Variants in CSNK1G1 observed in about 807,000 individuals in gnomAD.
The protein encoded by CSNK1G1 is casein kinase I isoform gamma-1.
Under a neutral mutation model 59.6 loss-of-function variants are expected in CSNK1G1, and 22 were observed. The ratio of observed to expected loss-of-function variants is 0.37; its 90% CI spans 0.26 to 0.53. The LOEUF (loss-of-function observed/expected upper bound fraction) is 0.53. Ranked by LOEUF, CSNK1G1 falls within the 20% of genes least tolerant of loss-of-function variation. CSNK1G1 has a pLI of 0.89. For missense variants in CSNK1G1, 384 were observed against 519.5 expected (o/e 0.74, Z 2.54); for synonymous variants, 179 against 177.1 (o/e 1.01, Z -0.08).
chr15:64,166,209 T>G lies in CSNK1G1; in HGVS notation c.*5722A>C. 2.2e-6 allele frequency: 1 copy of G among 447,896 alleles called. No homozygotes were observed. The highest frequency in any genetic ancestry group is 3.9e-6 in the Non-Finnish European group (1 of 254,454). The allele number at this position is 447,896 out of a possible 1,614,324, so 27.7% of individuals were successfully genotyped here. A position where few individuals can be genotyped will look rare whatever the true frequency, so the allele number is the denominator to read the frequency against. The stretch of plus-strand genomic sequence containing the variant: ...AAAAATCGCAATCAACATCCCAACA[T>G]CTTTTTAAGAGTACAATGGGCAAAG... On this transcript the variant is annotated 3_prime_UTR_variant, in exon 12 of 12. Coordinates refer to ENST00000303052, the MANE Select transcript of CSNK1G1 (RefSeq NM_022048.5). This position sits in a 1 kb window ranked among gnomAD's most constrained non-coding sequence, Gnocchi z 4.5.
chr15:64,255,295 G>A (rs766872559), intron 3 of CSNK1G1, among the ~76,000 whole-genome samples: 22 of 151,764 alleles, frequency 1.4e-4, no homozygotes, highest in Non-Finnish European at 2.9e-4. Flanking sequence ...CAGGCTGGTC[G>A]CAAACTCCTG....
chr15:64,261,247 G>C (rs963825484), intron 2 of CSNK1G1, among the ~76,000 whole-genome samples: 1 of 152,106 alleles, frequency 6.6e-6, no homozygotes, highest in African/African-American at 2.4e-5. Flanking sequence ...GTGACTCTGC[G>C]CAAAGATTTT....
At chr15:64,178,970 C>CA (rs1234368402) in intron 11 of CSNK1G1, among the ~76,000 whole-genome samples, 5 of 152,076 alleles carry the variant, frequency 3.3e-5, no homozygotes, top group South Asian at 2.1e-4. Flanking sequence ...AGGCTGGTCT[C>CA]AAACCTCTAG....
intron 10 of CSNK1G1, among the ~76,000 whole-genome samples, chr15:64,182,075 T>C: frequency 7.2e-6 from 1 of 138,062 alleles, no homozygotes; most frequent in African/African-American, 2.8e-5. Flanking sequence ...TTTTTTTTTT[T>C]TTTTGAGAGA....
intron 2 of CSNK1G1, among the ~76,000 whole-genome samples, chr15:64,269,493 T>A (rs1304431816): frequency 1.2e-5 from 1 of 82,810 alleles, no homozygotes; most frequent in Non-Finnish European, 2.4e-5. Context: ...CTGATGGCTA[T>A]TTTTTTTTTT....
chr15:64,303,088 G>T (rs1895452605), intron 1 of CSNK1G1, among the ~76,000 whole-genome samples: 1 of 151,730 alleles, frequency 6.6e-6, no homozygotes. Flanking sequence ...TAGAAGCCAG[G>T]TGCAATGGTA....
intron 1 of CSNK1G1, among the ~76,000 whole-genome samples, chr15:64,316,682 TC>T (rs1896286660): frequency 1.3e-5 from 2 of 152,024 alleles, no homozygotes; most frequent in African/African-American, 4.8e-5. Context: ...GAAATGAAAT[TC>T]ACAGGCAGAC....
At chr15:64,345,697 G>A (rs898326309) in intron 1 of CSNK1G1, among the ~76,000 whole-genome samples, 2 of 152,046 alleles carry the variant, frequency 1.3e-5, no homozygotes, top group East Asian at 1.9e-4. Flanking sequence ...ATTCGAGAAC[G>A]TTAGGAAACT....
rs549843828 is a variant in CSNK1G1 at position 64,282,810 on chromosome 15, C to G, written c.181+17509G>C. On this transcript the variant is annotated intron_variant, in intron 2 of 11. Transcript: ENST00000303052. Reference sequence around the variant, plus strand: ...AAGACTCAGATTTCTACACTTCCCCCCTAGCCAACAATTGTTATCTGATTC... The same window carrying G: ...AAGACTCAGATTTCTACACTTCCCCGCTAGCCAACAATTGTTATCTGATTC... Among the ~76,000 whole-genome samples, 6 of 152,142 alleles carry G rather than the reference C, an allele frequency of 3.9e-5. No individual in the cohort carries two copies. The East Asian group carries it at 5.8e-4, about 15-fold the overall frequency.
At chr15:64,219,719 C>G (rs1487327313) in intron 4 of CSNK1G1, among the ~76,000 whole-genome samples, 1 of 152,050 alleles carries the variant, frequency 6.6e-6, no homozygotes, top group Non-Finnish European at 1.5e-5. Context: ...TTTGACCTCC[C>G]AAGTGCTAAG....
intron 1 of CSNK1G1, among the ~76,000 whole-genome samples, chr15:64,353,741 G>A (rs544912381): frequency 3.3e-5 from 5 of 152,062 alleles, no homozygotes; most frequent in African/African-American, 1.2e-4. Context: ...CGACGCAGGA[G>A]GTTTGCTTGA....
chr15:64,210,925 G>A lies in CSNK1G1; in HGVS notation c.679+2965C>T, dbSNP rs1016493872. Reference sequence around the variant, plus strand: ...CCAAGAAAGCAGGTTGGTGAGAAGAGCCTAGCACCCCCCTTCCCATGTGAT... The same window carrying A: ...CCAAGAAAGCAGGTTGGTGAGAAGAACCTAGCACCCCCCTTCCCATGTGAT... On this transcript the variant is annotated intron_variant, in intron 6 of 11. Coordinates refer to ENST00000303052, the MANE Select transcript of CSNK1G1 (RefSeq NM_022048.5). The surrounding 1 kb of genome is among the most constrained non-coding windows in gnomAD (Gnocchi z 4.2). 3.3e-5 allele frequency among the ~76,000 whole-genome samples: 5 copies of A among 152,158 alleles called. No homozygotes were observed. Among genetic ancestry groups the A allele is most frequent in the African/African-American group, 1.2e-4 (5 of 41,436 alleles).
intron 1 of CSNK1G1, among the ~76,000 whole-genome samples, chr15:64,319,363 C>A (rs942529172): frequency 3.3e-5 from 5 of 151,904 alleles, no homozygotes; most frequent in Non-Finnish European, 7.4e-5. Context: ...ATTATTAAAA[C>A]GCATCTACTC....
intron 2 of CSNK1G1, among the ~76,000 whole-genome samples, chr15:64,295,640 T>C (rs572012298): frequency 5.0e-4 from 76 of 152,262 alleles, no homozygotes; most frequent in African/African-American, 1.7e-3. Flanking sequence ...CTTACACCTA[T>C]CTTGGGAGAG....
intron 1 of CSNK1G1, among the ~76,000 whole-genome samples, chr15:64,345,990 C>G (rs1463752186): frequency 1.1e-4 from 17 of 152,032 alleles, no homozygotes; most frequent in Admixed American, 1.1e-3. Flanking sequence ...GGGGTTTCAC[C>G]TTGTTGGCCA....
At chr15:64,319,955 A>T (rs1305872586) in intron 1 of CSNK1G1, among the ~76,000 whole-genome samples, 6 of 113,476 alleles carry the variant, frequency 5.3e-5, no homozygotes, top group African/African-American at 2.1e-4. Flanking sequence ...ACAGGGTCTC[A>T]CTCTGCTACC....
chr15:64,353,400 A>G (rs1199120257), intron 1 of CSNK1G1, among the ~76,000 whole-genome samples: 3 of 152,106 alleles, frequency 2.0e-5, no homozygotes, highest in Non-Finnish European at 2.9e-5. Context: ...TAATCCCAGC[A>G]CTTTGGGAGG....
chr15:64,341,471 TGTTG>T (rs952265303), intron 1 of CSNK1G1, among the ~76,000 whole-genome samples: 2 of 152,144 alleles, frequency 1.3e-5, no homozygotes, highest in Non-Finnish European at 1.5e-5. Context: ...TTATTTCTTC[TGTTG>T]GTTGGTTGGT....
intron 2 of CSNK1G1, among the ~76,000 whole-genome samples, chr15:64,261,370 G>A (rs1168106958): frequency 6.6e-6 from 1 of 152,146 alleles, no homozygotes; most frequent in African/African-American, 2.4e-5. Flanking sequence ...GGAGGCTGAG[G>A]TGGGTGGATC....
Sources: allele counts gnomAD v4.1 joint callset (sites outside exome capture counted in the v4.1 genomes callset), GRCh38; gene constraint gnomAD v4.1.1; non-coding constraint Gnocchi (gnomAD v3.1); transcripts MANE v1.5; gene names NCBI Gene and HGNC (gene_info 2026-07-23, HGNC 2026-07-21).